The following VWA3B variants were observed in gnomAD, a reference collection of about 807,000 sequenced individuals.
VWA3B encodes von Willebrand factor A domain containing 3B, also known as von Willebrand factor A domain-containing protein 3B.
Under a neutral mutation model 158.3 loss-of-function variants are expected in VWA3B, and 138 were observed. That is an observed-to-expected ratio of 0.87 (90% CI 0.76 to 1.00). The LOEUF is 1.00. Among genes scored for constraint, VWA3B ranks in the 50% least tolerant of loss-of-function variants. The pLI is 0.00. For missense variants in VWA3B, 1,555 were observed against 1,565.1 expected (o/e 0.99, Z 0.11); for synonymous variants, 596 against 587.3 (o/e 1.01, Z -0.21).
At chr2:98,329,177 A>C in the VWA3B span, among the ~76,000 whole-genome samples, 2 of 152,246 alleles carry the variant, frequency 1.3e-5, no homozygotes, top group African/African-American at 4.8e-5. Context: ...CCATAAATAA[A>C]AATTCACAGG....
At chr2:98,321,738 T>C in the VWA3B span, among the ~76,000 whole-genome samples, 1 of 152,226 alleles carries the variant, frequency 6.6e-6, no homozygotes, top group Admixed American at 6.5e-5. Flanking sequence ...TGTGGACTTC[T>C]GAGTTAATGC....
Position 98,298,018 on chromosome 2 carries a change from G to C in VWA3B, c.3269G>C (p.Cys1090Ser). ...ACGCCTGTGGGGGGCGCCATGCCCT[G>C]CCCGCTGCTCCAGGTACCCAGTCCC... ...FITPVGGAMPCPLLQVGDYVF... is the reference protein window; with the variant it reads ...FITPVGGAMPSPLLQVGDYVF... Residue 1090 changes from cysteine to serine, a missense_variant, in exon 24 of 28, where the codon TGC (cysteine) becomes TCC (serine). By Grantham distance (112) the Cys-to-Ser change is moderately radical. Transcript: ENST00000477737. 1 of 1,564,762 alleles carries C rather than the reference G, an allele frequency of 6.4e-7. No individual in the cohort carries two copies. The highest frequency in any genetic ancestry group is 8.6e-7 in the Non-Finnish European group (1 of 1,156,512).
chr2:98,224,364 T>C (rs1684750193), intron 14 of VWA3B, among the ~76,000 whole-genome samples: 1 of 152,166 alleles, frequency 6.6e-6, no homozygotes, highest in Non-Finnish European at 1.5e-5. Flanking sequence ...GAAACAAAAG[T>C]TGTAACATCA....
At chr2:98,131,672 T>C (rs1249845692) in intron 6 of VWA3B, among the ~76,000 whole-genome samples, 1 of 152,120 alleles carries the variant, frequency 6.6e-6, no homozygotes, top group Non-Finnish European at 1.5e-5. Flanking sequence ...TGTTCTTAAG[T>C]GTAGGTGCTC....
At chr2:98,154,854 T>C (rs1677927457) in intron 7 of VWA3B, among the ~76,000 whole-genome samples, 1 of 152,160 alleles carries the variant, frequency 6.6e-6, no homozygotes, top group Non-Finnish European at 1.5e-5. Context: ...GACAGATCCG[T>C]TTCACATTTA....
intron 7 of VWA3B, among the ~76,000 whole-genome samples, chr2:98,139,022 C>T (rs2105083705): frequency 6.6e-6 from 1 of 152,320 alleles, no homozygotes; most frequent in Non-Finnish European, 1.5e-5. Flanking sequence ...CGAGCGGGAG[C>T]CGGGGCTGCG....
chr2:98,254,988 T>C lies in VWA3B; in HGVS notation c.2793-1136T>C, dbSNP rs553799207. 5.3e-5 allele frequency among the ~76,000 whole-genome samples: 8 copies of C among 152,020 alleles called. No individual in the cohort carries two copies. In the East Asian group the frequency reaches 1.5e-3, roughly 29 times the overall value. ...GAGCAGTAGCATTCTCCTACCTCATTGTATGGAAGCAGTGTTTTTTGTTTT... is the reference window on the plus strand; with the variant it reads ...GAGCAGTAGCATTCTCCTACCTCATCGTATGGAAGCAGTGTTTTTTGTTTT... On this transcript the variant is annotated intron_variant, in intron 20 of 27. Coordinates refer to ENST00000477737, the MANE Select transcript of VWA3B (RefSeq NM_144992.5).
chr2:98,230,498 C>A (rs1261192519), intron 16 of VWA3B, among the ~76,000 whole-genome samples: 1 of 151,992 alleles, frequency 6.6e-6, no homozygotes, highest in African/African-American at 2.4e-5. Flanking sequence ...TACTTGTACC[C>A]GTGTGAGTGT....
intron 7 of VWA3B, among the ~76,000 whole-genome samples, chr2:98,144,938 G>T (rs2105127541): frequency 6.6e-6 from 1 of 152,284 alleles, no homozygotes; most frequent in African/African-American, 2.4e-5. Context: ...AATGCCCTTG[G>T]CTCACTTTTC....
At chr2:98,153,173 T>C (rs1372382583) in intron 7 of VWA3B, among the ~76,000 whole-genome samples, 1 of 152,058 alleles carries the variant, frequency 6.6e-6, no homozygotes, top group Admixed American at 6.5e-5. Flanking sequence ...TTTAGAACTA[T>C]CAAATAGCAC....
At chr2:98,109,953 A>T (rs995276129) in intron 2 of VWA3B, among the ~76,000 whole-genome samples, 3 of 151,816 alleles carry the variant, frequency 2.0e-5, no homozygotes, top group Non-Finnish European at 4.4e-5. Flanking sequence ...TTTGAGTATG[A>T]TGTGCCTTGG....
At chr2:98,292,118 C>G (rs1344424333) in intron 23 of VWA3B, 1 of 151,418 alleles carries the variant, frequency 6.6e-6, no homozygotes, top group East Asian at 1.9e-4. Flanking sequence ...AACCGGGCAC[C>G]TGTAGTCCCA....
In VWA3B at chr2:98,290,496, C is replaced by T. The variant is rs781180988; in HGVS notation, c.3046-15C>T. On this transcript the variant is annotated splice_polypyrimidine_tract_variant and intron_variant, in intron 22 of 27. Coordinates refer to ENST00000477737, the MANE Select transcript of VWA3B (RefSeq NM_144992.5). ...CACTTTTTCTCATCAATTATTTCTG[C>T]TTTGTCTTTTTCAGCAACAGAAATT... is the stretch of plus-strand genomic sequence containing the variant. 6.5e-7 allele frequency: 1 copy of T among 1,546,090 alleles called. No homozygotes were observed. The highest frequency in any genetic ancestry group is 1.2e-5 in the South Asian group (1 of 81,210).
At chr2:98,308,304 G>C (rs1690651843) in intron 26 of VWA3B, among the ~76,000 whole-genome samples, 1 of 152,172 alleles carries the variant, frequency 6.6e-6, no homozygotes, top group Admixed American at 6.5e-5. Flanking sequence ...TGTCTTTCAA[G>C]ACAGTGTGTC....
chr2:98,250,087 A>G (rs1395647671), intron 19 of VWA3B, among the ~76,000 whole-genome samples: 4 of 152,004 alleles, frequency 2.6e-5, no homozygotes, highest in African/African-American at 9.7e-5. Flanking sequence ...GCATGTGTGT[A>G]TGTGGTGGTA....
chr2:98,092,817 T>TATAG, intron 1 of VWA3B, among the ~76,000 whole-genome samples: 1 of 14,010 alleles, frequency 7.1e-5, no homozygotes, highest in Non-Finnish European at 1.3e-4. Context: ...GATGTTTTTG[T>TATAG]ATATATATAT....
At position 98,236,839 on chromosome 2, in the gene VWA3B, T is replaced by TG. The variant is rs1354922346; in HGVS notation, c.2673+114dup. 2.8e-6 allele frequency: 4 copies of TG among 1,431,676 alleles called. No homozygotes were observed. In the African/African-American group the frequency reaches 5.7e-5, roughly 20 times the overall value. The allele number at this position is 1,431,676 out of a possible 1,614,324, so 88.7% of individuals were successfully genotyped here. On this transcript the variant is annotated intron_variant, in intron 19 of 27. Transcript: ENST00000477737. Reference sequence around the variant, plus strand: ...TGTAACAGAAATGTATTTTAGCCACTGGGGGAAAAAGTATTTGTAAAGGCA... The same window carrying TG: ...TGTAACAGAAATGTATTTTAGCCACTGGGGGGAAAAAGTATTTGTAAAGGCA...
At chr2:98,142,911 G>T (rs935493510) in intron 7 of VWA3B, among the ~76,000 whole-genome samples, 1 of 152,114 alleles carries the variant, frequency 6.6e-6, no homozygotes. Flanking sequence ...ATTGAGACGT[G>T]CTGTGAAAGT....
intron 12 of VWA3B, among the ~76,000 whole-genome samples, chr2:98,197,809 T>C (rs1404106726): frequency 6.6e-6 from 1 of 152,036 alleles, no homozygotes; most frequent in Non-Finnish European, 1.5e-5. Flanking sequence ...TGTTCTATGA[T>C]CATCTTATAT....
Sources: gnomAD v4.1 joint callset for allele counts (sites outside exome capture counted in the v4.1 genomes callset) on GRCh38, gnomAD v4.1.1 for gene constraint, MANE v1.5 for transcripts, NCBI Gene and HGNC (gene_info 2026-07-23, HGNC 2026-07-21) for gene names.